Variants in ASB18 observed in about 807,000 individuals in gnomAD.
The protein encoded by ASB18 is ankyrin repeat and SOCS box protein 18.
ASB18 carries 33 observed loss-of-function variants against 33.4 expected under a neutral mutation model. The observed-to-expected ratio is 0.99, with a 90% CI of 0.75 to 1.32. The LOEUF is 1.32. Ranked by LOEUF, ASB18 falls within the 40% of genes most tolerant of loss-of-function variation. The pLI is 0.00. For missense variants in ASB18, 694 were observed against 655.5 expected, an observed-to-expected ratio of 1.06 and a Z score of -0.64; for synonymous variants, 295 against 307.6, an observed-to-expected ratio of 0.96 and a Z score of 0.43.
At chr2:236,230,997 A>G (rs2060561511) in intron 3 of ASB18, among the ~76,000 whole-genome samples, 1 of 152,164 alleles carries the variant, frequency 6.6e-6, no homozygotes, top group African/African-American at 2.4e-5. Flanking sequence ...AGACTCAGGT[A>G]AGTTAAAAAA....
chr2:236,259,020 T>G lies in ASB18; in HGVS notation c.205+5121A>C, dbSNP rs1261423609. Among the ~76,000 whole-genome samples the G allele has an allele frequency of 6.6e-6, 1 of 152,214 alleles. No individual in the cohort carries two copies. Among genetic ancestry groups the G allele is most frequent in the African/African-American group, 2.4e-5 (1 of 41,458 alleles). ...TTTGATTACACCAGTTACCAAATTG[T>G]ACAGTTGATGCATTTGGGGGGCGAG... On this transcript the variant is annotated intron_variant, in intron 1 of 5. Transcript: ENST00000409749. This position sits in a 1 kb window ranked among gnomAD's most constrained non-coding sequence, Gnocchi z 4.4.
Position 236,264,405 on chromosome 2 carries a change from T to A in ASB18, c.-60A>T, listed in dbSNP as rs2060737265. The A allele has an allele frequency of 6.8e-7, 1 of 1,464,548 alleles. No individual in the cohort carries two copies. The highest frequency in any genetic ancestry group is 1.4e-5 in the African/African-American group (1 of 72,088). 90.7% of individuals were successfully genotyped at this position (1,464,548 alleles called of 1,614,324 possible). A position where few individuals can be genotyped will look rare whatever the true frequency, so the allele number is the denominator to read the frequency against. ...TTCTTCCTCTAAAGCGACTCCAAAG[T>A]CAGCAGCTGTCCGTGAGAGTGGCGT... On this transcript the variant is annotated 5_prime_UTR_variant, in exon 1 of 6. Transcript: ENST00000409749. This position sits in a 1 kb window ranked among gnomAD's most constrained non-coding sequence, Gnocchi z 5.1.
Position 236,220,461 on chromosome 2 carries a change from T to A in ASB18, c.597-5595A>T, listed in dbSNP as rs1214138501. ...CCACTCTCTCGTCTCCCCTGCCTCC[T>A]GATCACCCTCTTTATTCAAAGCCCT... On this transcript the variant is annotated intron_variant, in intron 3 of 5. Transcript: ENST00000409749. This position sits in a 1 kb window ranked among gnomAD's most constrained non-coding sequence, Gnocchi z 5.1. Among the ~76,000 whole-genome samples the A allele has an allele frequency of 8.5e-5, 13 of 152,136 alleles. No homozygotes were observed. The highest frequency in any genetic ancestry group is 8.5e-4 in the Admixed American group (13 of 15,276).
At position 236,223,929 on chromosome 2, in the gene ASB18, A is replaced by T. The variant is rs1055855861; in HGVS notation, c.597-9063T>A. ...AATTTTAAGCCATTTTCCCATTGATATTGATGGACATTTGCATGTTTCTAT... is the reference window on the plus strand; with the variant it reads ...AATTTTAAGCCATTTTCCCATTGATTTTGATGGACATTTGCATGTTTCTAT... On this transcript the variant is annotated intron_variant, in intron 3 of 5. Transcript: ENST00000409749. The surrounding 1 kb of genome is among the most constrained non-coding windows in gnomAD (Gnocchi z 4.6). Among the ~76,000 whole-genome samples the T allele has an allele frequency of 2.6e-5, 4 of 152,162 alleles. No individual in the cohort carries two copies. Among genetic ancestry groups the T allele is most frequent in the Non-Finnish European group, 1.5e-5 (1 of 68,042 alleles).
At position 236,256,462 on chromosome 2, in the gene ASB18, C is replaced by CA. The variant is rs2060692558; in HGVS notation, c.205+7678dup. Among the ~76,000 whole-genome samples the CA allele has an allele frequency of 2.0e-5, 3 of 152,184 alleles. No homozygotes were observed. In the South Asian group the frequency reaches 6.2e-4, roughly 32 times the overall value. On this transcript the variant is annotated intron_variant, in intron 1 of 5. Coordinates refer to ENST00000409749, the MANE Select transcript of ASB18 (RefSeq NM_212556.4). The surrounding 1 kb of genome is among the most constrained non-coding windows in gnomAD (Gnocchi z 4.7). Reference sequence around the variant, plus strand: ...TGGATGGGAAGCTAGAATCAGGCTACAGAGAGCATGCCTGCCATTTCCAAT... The same window carrying CA: ...TGGATGGGAAGCTAGAATCAGGCTACAAGAGAGCATGCCTGCCATTTCCAAT...
chr2:236,221,842 C>T lies in ASB18; in HGVS notation c.597-6976G>A, dbSNP rs985616961. Among the ~76,000 whole-genome samples, 1 of 152,076 alleles carries T rather than the reference C, an allele frequency of 6.6e-6. No homozygotes were observed. The highest frequency in any genetic ancestry group is 2.4e-5 in the African/African-American group (1 of 41,380). ...GTGGGGGTAATGGGTGTTATGAGCT[C>T]GTCTTGTTGAATTACTGTTACTGCT... On this transcript the variant is annotated intron_variant, in intron 3 of 5. Coordinates refer to ENST00000409749, the MANE Select transcript of ASB18 (RefSeq NM_212556.4). The surrounding 1 kb of genome is among the most constrained non-coding windows in gnomAD (Gnocchi z 5.6).
chr2:236,239,005 A>C lies in ASB18; in HGVS notation c.329-1049T>G, dbSNP rs1045375314. On this transcript the variant is annotated intron_variant, in intron 2 of 5. Transcript: ENST00000409749. The surrounding 1 kb of genome is among the most constrained non-coding windows in gnomAD (Gnocchi z 5.6). Reference sequence around the variant, plus strand: ...AGGCCCAGCCTGGAGCTTGTTGTGCACTCAGTGGGGGAAGGGGGGCCTGTG... The same window carrying C: ...AGGCCCAGCCTGGAGCTTGTTGTGCCCTCAGTGGGGGAAGGGGGGCCTGTG... Among the ~76,000 whole-genome samples the C allele has an allele frequency of 8.6e-5, 13 of 151,978 alleles. No homozygotes were observed. The highest frequency in any genetic ancestry group is 1.9e-4 in the Non-Finnish European group (13 of 67,998).
At chr2:236,243,401 CTT>C (rs1254845855) in intron 1 of ASB18, among the ~76,000 whole-genome samples, 1 of 151,208 alleles carries the variant, frequency 6.6e-6, no homozygotes, top group Non-Finnish European at 1.5e-5. Flanking sequence ...TGAAGAGTGT[CTT>C]TTAGCTTTTT....
At position 236,253,030 on chromosome 2, in the gene ASB18, C is replaced by G. The variant is rs1469959955; in HGVS notation, c.205+11111G>C. On this transcript the variant is annotated intron_variant, in intron 1 of 5. Coordinates refer to ENST00000409749, the MANE Select transcript of ASB18 (RefSeq NM_212556.4). This position sits in a 1 kb window ranked among gnomAD's most constrained non-coding sequence, Gnocchi z 5.4. ...TTCCAGAGCTGCCCCTGGGGTCAGC[C>G]AAGGCATGGTTAGGTGGCGTCAAGG... 6.6e-6 allele frequency among the ~76,000 whole-genome samples: 1 copy of G among 152,176 alleles called. No individual in the cohort carries two copies. The highest frequency in any genetic ancestry group is 2.4e-5 in the African/African-American group (1 of 41,440).
chr2:236,231,574 C>T lies in ASB18; in HGVS notation c.596+6115G>A, dbSNP rs1257304374. ...TGCTGGCAACTTGATCTTGGACTTCCCAGCCTCCAGGACTGTGAGAAATAC... is the reference window on the plus strand; with the variant it reads ...TGCTGGCAACTTGATCTTGGACTTCTCAGCCTCCAGGACTGTGAGAAATAC... On this transcript the variant is annotated intron_variant, in intron 3 of 5. Coordinates refer to ENST00000409749, the MANE Select transcript of ASB18 (RefSeq NM_212556.4). This position sits in a 1 kb window ranked among gnomAD's most constrained non-coding sequence, Gnocchi z 5.5. Among the ~76,000 whole-genome samples the T allele has an allele frequency of 6.6e-6, 1 of 152,172 alleles. No homozygotes were observed. The highest frequency in any genetic ancestry group is 1.5e-5 in the Non-Finnish European group (1 of 68,034).
chr2:236,254,471 CTA>C (rs2060682914), intron 1 of ASB18, among the ~76,000 whole-genome samples: 1 of 151,762 alleles, frequency 6.6e-6, no homozygotes, highest in South Asian at 2.1e-4. Flanking sequence ...CTTCTTGAAT[CTA>C]TAAAGTTACA....
intron 4 of ASB18, among the ~76,000 whole-genome samples, chr2:236,207,493 T>C (rs1332015840): frequency 6.6e-6 from 1 of 152,266 alleles, no homozygotes; most frequent in Non-Finnish European, 1.5e-5. Context: ...CGGTTTGTCC[T>C]CTTTTCCCCC....
rs2060677409 is a variant in ASB18 at position 236,253,459 on chromosome 2, C to A, written c.205+10682G>T. ...GTGGCACAGTCATAGCTCACTGTAA[C>A]CTGAACTCCTGGGCGCAAGCGATCC... is the stretch of plus-strand genomic sequence containing the variant. On this transcript the variant is annotated intron_variant, in intron 1 of 5. Coordinates refer to ENST00000409749, the MANE Select transcript of ASB18 (RefSeq NM_212556.4). This position sits in a 1 kb window ranked among gnomAD's most constrained non-coding sequence, Gnocchi z 5.4. Among the ~76,000 whole-genome samples the A allele has an allele frequency of 6.6e-6, 1 of 152,152 alleles. No homozygotes were observed. Among genetic ancestry groups the A allele is most frequent in the Non-Finnish European group, 1.5e-5 (1 of 68,040 alleles).
intron 1 of ASB18, among the ~76,000 whole-genome samples, chr2:236,242,795 G>A (rs1425067248): frequency 1.1e-4 from 17 of 149,732 alleles, no homozygotes; most frequent in Admixed American, 9.3e-4. Context: ...GTCGAGGTGG[G>A]AGGATTTGTT....
In ASB18 at chr2:236,208,728, G is replaced by A. The variant is rs1186233698; in HGVS notation, c.1101+5634C>T. Reference sequence around the variant, plus strand: ...TCTCTGGGGCTCCCTGCCCCTCCCCGTCCTCTGCATCGTGCCCCCTCATGT... The same window carrying A: ...TCTCTGGGGCTCCCTGCCCCTCCCCATCCTCTGCATCGTGCCCCCTCATGT... On this transcript the variant is annotated intron_variant, in intron 4 of 5. Coordinates refer to ENST00000409749, the MANE Select transcript of ASB18 (RefSeq NM_212556.4). This position sits in a 1 kb window ranked among gnomAD's most constrained non-coding sequence, Gnocchi z 7.7. 1.3e-5 allele frequency among the ~76,000 whole-genome samples: 2 copies of A among 151,986 alleles called. No homozygotes were observed. Among genetic ancestry groups the A allele is most frequent in the Non-Finnish European group, 2.9e-5 (2 of 68,010 alleles).
intron 2 of ASB18, among the ~76,000 whole-genome samples, chr2:236,240,223 C>T (rs555784024): frequency 1.8e-4 from 27 of 152,258 alleles, no homozygotes; most frequent in African/African-American, 4.6e-4. Context: ...CAGAAGGGGT[C>T]GGCTGCGACA....
Position 236,262,683 on chromosome 2 carries a change from A to G in ASB18, c.205+1458T>C, listed in dbSNP as rs1298335179. Among the ~76,000 whole-genome samples the G allele has an allele frequency of 1.3e-5, 2 of 152,138 alleles. No individual in the cohort carries two copies. The highest frequency in any genetic ancestry group is 4.8e-5 in the African/African-American group (2 of 41,432). ...CCCAGTCCAATCACTGCTTGTGATGACAACCTCCCCTAAACCCCCCCCAGG... is the reference window on the plus strand; with the variant it reads ...CCCAGTCCAATCACTGCTTGTGATGGCAACCTCCCCTAAACCCCCCCCAGG... On this transcript the variant is annotated intron_variant, in intron 1 of 5. Transcript: ENST00000409749. This position sits in a 1 kb window ranked among gnomAD's most constrained non-coding sequence, Gnocchi z 5.2.
Position 236,222,592 on chromosome 2 carries a change from C to G in ASB18, c.597-7726G>C, listed in dbSNP as rs1177059539. Reference sequence around the variant, plus strand: ...TGAAATCTCATATTGAAATGTAATCCCCAATGCTGGGGGCAGGATGGGGCC... The same window carrying G: ...TGAAATCTCATATTGAAATGTAATCGCCAATGCTGGGGGCAGGATGGGGCC... On this transcript the variant is annotated intron_variant, in intron 3 of 5. Coordinates refer to ENST00000409749, the MANE Select transcript of ASB18 (RefSeq NM_212556.4). The surrounding 1 kb of genome is among the most constrained non-coding windows in gnomAD (Gnocchi z 5.5). Among the ~76,000 whole-genome samples the G allele has an allele frequency of 6.6e-6, 1 of 152,102 alleles. No homozygotes were observed. Among genetic ancestry groups the G allele is most frequent in the Non-Finnish European group, 1.5e-5 (1 of 68,032 alleles).
rs1039176535 is a variant in ASB18 at position 236,194,860 on chromosome 2, G to A, written c.*12C>T. 6.2e-7 allele frequency: 1 copy of A among 1,609,066 alleles called. No homozygotes were observed. The highest frequency in any genetic ancestry group is 1.1e-5 in the South Asian group (1 of 89,936). ...GAGGAGAACAACAGTATTGGTTGCA[G>A]CGTTCTGCGTTTCAGTGCAAAACAC... On this transcript the variant is annotated 3_prime_UTR_variant, in exon 6 of 6. Transcript: ENST00000409749. This position sits in a 1 kb window ranked among gnomAD's most constrained non-coding sequence, Gnocchi z 4.5.
Sources: gnomAD v4.1 joint callset for allele counts (sites outside exome capture counted in the v4.1 genomes callset) on GRCh38, gnomAD v4.1.1 for gene constraint, Gnocchi (gnomAD v3.1) non-coding constraint, MANE v1.5 for transcripts, NCBI Gene and HGNC (gene_info 2026-07-23, HGNC 2026-07-21) for gene names.